Variants in NT5DC4 observed in about 807,000 individuals in gnomAD.
NT5DC4 encodes 5'-nucleotidase domain-containing protein 4.
NT5DC4 carries 44 observed loss-of-function variants against 26.6 expected under a neutral mutation model. The observed-to-expected ratio is 1.65, with a 90% CI of 1.30 to 2.13. The LOEUF is 2.13. Among genes scored for constraint, NT5DC4 ranks in the 30% most tolerant of loss-of-function variants. The pLI is 0.00. For synonymous variants in NT5DC4, 157 were observed against 86.7 expected, an observed-to-expected ratio of 1.81 and a Z score of -4.51; for missense variants, 399 against 228.1, an observed-to-expected ratio of 1.75 and a Z score of -4.83.
chr2:112,728,929 T>C (rs1427589557), intron 15 of NT5DC4, among the ~76,000 whole-genome samples: 1 of 152,104 alleles, frequency 6.6e-6, no homozygotes, highest in African/African-American at 2.4e-5. Context: ...GGCGGCCTCA[T>C]CTCATCTCTG....
intron 9 of NT5DC4, 51 bp downstream of exon 9, chr2:112,723,853 G>A (rs1677311137): frequency 4.2e-6 from 3 of 714,142 alleles, no homozygotes; most frequent in African/African-American, 3.5e-5. Flanking sequence ...CTGGCCCCAG[G>A]GGACACAGTG....
intron 8 of NT5DC4, 123 bp downstream of exon 8, chr2:112,723,591 C>T: frequency 1.5e-6 from 1 of 681,676 alleles, no homozygotes; most frequent in South Asian, 1.6e-5. Context: ...GGCTGGGGAT[C>T]TTTCTATGGG....
At chr2:112,729,288 A>C (rs1678167521) in intron 15 of NT5DC4, among the ~76,000 whole-genome samples, 1 of 152,142 alleles carries the variant, frequency 6.6e-6, no homozygotes, top group African/African-American at 2.4e-5. Context: ...ATGCCCAGCT[A>C]ATTTTTATGT....
At chr2:112,723,560 G>T (rs1677259004) in intron 8 of NT5DC4, 92 bp downstream of exon 8, 1 of 697,108 alleles carries the variant, frequency 1.4e-6, no homozygotes, top group South Asian at 1.6e-5. Context: ...CGAGGTTTAG[G>T]CTGAGCTCTG....
At chr2:112,731,432 T>C (rs955189776) in intron 16 of NT5DC4, 1 of 152,150 alleles carries the variant, frequency 6.6e-6, no homozygotes. Context: ...TAAAAAATAG[T>C]TATTTCTGTG....
chr2:112,729,491 G>T (rs1678205838), intron 15 of NT5DC4, 136 bp from the exon 16 acceptor site: 1 of 641,604 alleles, frequency 1.6e-6, no homozygotes, highest in Non-Finnish European at 2.9e-6. Flanking sequence ...ACCTTCCGAG[G>T]TTCCTTCCTC....
upstream of NT5DC4, among the ~76,000 whole-genome samples, chr2:112,719,904 T>TTTCTTTCTTTCTTTCTTTCTTTC (rs1676683616): frequency 1.0e-5 from 1 of 98,662 alleles, no homozygotes; most frequent in African/African-American, 4.1e-5. Flanking sequence ...CTTTCTTTCT[T>TTTCTTTCTTTCTTTCTTTCTTTC]TTTCTTTCTT....
At chr2:112,725,635 TG>T (rs935791271) in intron 13 of NT5DC4, 83 bp downstream of exon 13, 6 of 589,028 alleles carry the variant, frequency 1.0e-5, no homozygotes, top group Non-Finnish European at 1.6e-5. Flanking sequence ...CTTTTTCCCG[TG>T]GGGGGTTAGT....
chr2:112,734,169 A>ATATATGTGTG (rs150412692), intron 16 of NT5DC4, among the ~76,000 whole-genome samples: 1,818 of 134,826 alleles, frequency 0.013, 19 homozygotes, highest in East Asian at 0.035. Context: ...TATTATATAT[A>ATATATGTGTG]TGTGTGTGTG....
downstream of NT5DC4, chr2:112,742,841 T>A: frequency 1.1e-6 from 1 of 936,544 alleles, no homozygotes; most frequent in Non-Finnish European, 1.7e-6. Context: ...GAACTTTAAC[T>A]TCAAATACAT....
At chr2:112,719,837 T>TC (rs1464547265), upstream of NT5DC4, among the ~76,000 whole-genome samples, 86 of 77,286 alleles carry the variant, frequency 1.1e-3, 1 homozygote, top group Admixed American at 2.5e-3. Context: ...CTTCCTTCCT[T>TC]CCTTCCCTCC....
chr2:112,728,915 A>G (rs547901831), intron 15 of NT5DC4, among the ~76,000 whole-genome samples: 28 of 152,150 alleles, frequency 1.8e-4, no homozygotes, highest in Admixed American at 1.2e-3. Context: ...ACTGGCTTTC[A>G]CCGGGCGGCC....
At chr2:112,721,353 G>A in intron 1 of NT5DC4, 200 bp downstream of exon 1, 1 of 657,712 alleles carries the variant, frequency 1.5e-6, no homozygotes, top group South Asian at 1.7e-5. Context: ...CCGGCGGGAG[G>A]TCCTCTTCAC....
chr2:112,740,716 C>T, downstream of NT5DC4: 3 of 908,184 alleles, frequency 3.3e-6, no homozygotes, highest in Non-Finnish European at 5.2e-6. Context: ...ACCTTCCTCA[C>T]TGCAGGTCAG....
upstream of NT5DC4, among the ~76,000 whole-genome samples, chr2:112,719,619 G>C (rs1020431443): frequency 6.6e-6 from 1 of 151,394 alleles, no homozygotes; most frequent in Non-Finnish European, 1.5e-5. Flanking sequence ...CTGAGTAGCT[G>C]GGATTACAGG....
rs1440056613 is a variant in NT5DC4 at position 112,723,618 on chromosome 2, C to T, written c.673-101C>T. On this transcript the variant is annotated intron_variant, in intron 8 of 16. Transcript: ENST00000688554. ...TTCTATGGGGCCTGGTGCCTACCTGCCTGGGCTGGGGTGGGCTCCCAGAAG... is the reference window on the plus strand; with the variant it reads ...TTCTATGGGGCCTGGTGCCTACCTGTCTGGGCTGGGGTGGGCTCCCAGAAG... The T allele has an allele frequency of 1.2e-5, 8 of 684,484 alleles. No homozygotes were observed. In the East Asian group the frequency reaches 2.2e-4, roughly 18 times the overall value. 42.4% of individuals were successfully genotyped at this position (684,484 alleles called of 1,614,324 possible).
chr2:112,741,768 C>T (rs1180989951), downstream of NT5DC4, among the ~76,000 whole-genome samples: 3 of 150,802 alleles, frequency 2.0e-5, no homozygotes, highest in Non-Finnish European at 4.4e-5. Context: ...TAAATCTACT[C>T]TTTTTTTTTG....
intron 16 of NT5DC4, among the ~76,000 whole-genome samples, chr2:112,735,507 A>C (rs551020218): frequency 6.9e-6 from 1 of 144,664 alleles, no homozygotes; most frequent in Admixed American, 7.0e-5. Flanking sequence ...TCTTTCTTTA[A>C]AACTTGCTTT....
Position 112,725,245 on chromosome 2 carries a change from C to T in NT5DC4, c.982+5C>T, listed in dbSNP as rs1185320670. The T allele has an allele frequency of 2.8e-6, 2 of 709,084 alleles. No homozygotes were observed. Among genetic ancestry groups the T allele is most frequent in the South Asian group, 3.0e-5 (2 of 67,420 alleles). The allele number at this position is 709,084 out of a possible 1,614,324, so 43.9% of individuals were successfully genotyped here. On this transcript the variant is annotated splice_donor_5th_base_variant and intron_variant, in intron 12 of 16. Transcript: ENST00000688554. ...ACTGTGCTGTCTACTCTGGAGGTACCAGCTCCCACCATGCCCCATCACTCC... is the reference window on the plus strand; with the variant it reads ...ACTGTGCTGTCTACTCTGGAGGTACTAGCTCCCACCATGCCCCATCACTCC...
Sources: allele counts gnomAD v4.1 joint callset (sites outside exome capture counted in the v4.1 genomes callset), GRCh38; gene constraint gnomAD v4.1.1; transcripts MANE v1.5; gene names NCBI Gene and HGNC (gene_info 2026-07-23, HGNC 2026-07-21).